LUZP2: variants seen among roughly 807,000 people sequenced by gnomAD.
The protein encoded by LUZP2 is leucine zipper protein 2.
Under a neutral mutation model 51.6 loss-of-function variants are expected in LUZP2, and 52 were observed. That is an observed-to-expected ratio of 1.01 (90% CI 0.81 to 1.27). The LOEUF (loss-of-function observed/expected upper bound fraction) is 1.27, where lower values mean the gene tolerates loss of function less well. Among genes scored for constraint, LUZP2 ranks in the 50% most tolerant of loss-of-function variants. The pLI, the probability that LUZP2 is intolerant of heterozygous loss-of-function variation, is 0.00. For synonymous variants in LUZP2, 154 were observed against 137.3 expected (o/e 1.12, Z -0.85); for missense variants, 436 against 395.4 (o/e 1.10, Z -0.87).
intron 1 of LUZP2, among the ~76,000 whole-genome samples, chr11:24,509,674 T>C (rs1477928410): frequency 6.6e-6 from 1 of 151,052 alleles, no homozygotes; most frequent in African/African-American, 2.4e-5. Context: ...CCGTAGTATA[T>C]ATTATATGCA....
chr11:25,073,290 A>G (rs1040911988), intron 10 of LUZP2, among the ~76,000 whole-genome samples: 1 of 152,184 alleles, frequency 6.6e-6, no homozygotes, highest in Non-Finnish European at 1.5e-5. Context: ...GCTTCTTATG[A>G]CCTTCATTGT....
chr11:24,667,182 T>TC (rs1405646208), intron 1 of LUZP2, among the ~76,000 whole-genome samples: 2 of 139,104 alleles, frequency 1.4e-5, no homozygotes, highest in Non-Finnish European at 3.0e-5. Flanking sequence ...TTTTCTTTTT[T>TC]TCTTTTTTTT....
At chr11:24,828,558 GAAA>G (rs57464249) in intron 5 of LUZP2, among the ~76,000 whole-genome samples, 3,442 of 134,984 alleles carry the variant, frequency 0.025, 72 homozygotes, top group African/African-American at 0.062. Context: ...CCCTGTGGCA[GAAA>G]AAAAAAAAAA....
chr11:24,797,865 A>G (rs184529916), intron 5 of LUZP2, among the ~76,000 whole-genome samples: 2 of 152,194 alleles, frequency 1.3e-5, no homozygotes, highest in African/African-American at 2.4e-5. Context: ...AGTACACTTT[A>G]CCAAGTTGCA....
At chr11:24,851,707 T>C (rs180820226) in intron 5 of LUZP2, among the ~76,000 whole-genome samples, 59 of 152,300 alleles carry the variant, frequency 3.9e-4, no homozygotes, top group African/African-American at 1.4e-3. Flanking sequence ...AGCTCCTCTT[T>C]GTACCTCTGA....
At chr11:24,949,964 T>C (rs1332628133) in intron 7 of LUZP2, among the ~76,000 whole-genome samples, 1 of 77,220 alleles carries the variant, frequency 1.3e-5, no homozygotes, top group Non-Finnish European at 2.4e-5. Flanking sequence ...TCTTTCTTTC[T>C]TTTCTTTTTT....
chr11:24,505,758 C>T (rs1277086613), intron 1 of LUZP2, among the ~76,000 whole-genome samples: 1 of 151,942 alleles, frequency 6.6e-6, no homozygotes, highest in Non-Finnish European at 1.5e-5. Flanking sequence ...GAAGCCAATT[C>T]TCTATTATCT....
chr11:24,688,217 A>T (rs1856955955), intron 1 of LUZP2, among the ~76,000 whole-genome samples: 1 of 152,212 alleles, frequency 6.6e-6, no homozygotes, highest in East Asian at 1.9e-4. Context: ...ACACTGTCTT[A>T]ATGCTTTATA....
intron 7 of LUZP2, among the ~76,000 whole-genome samples, chr11:24,914,846 A>G (rs1853746056): frequency 1.3e-5 from 2 of 152,172 alleles, no homozygotes; most frequent in African/African-American, 4.8e-5. Flanking sequence ...GCAAAGGTAG[A>G]TCATACAAGG....
At chr11:25,037,978 T>C (rs1192468685) in intron 9 of LUZP2, among the ~76,000 whole-genome samples, 1 of 152,132 alleles carries the variant, frequency 6.6e-6, no homozygotes, top group Admixed American at 6.6e-5. Flanking sequence ...TGAGGTTCTC[T>C]ATATTACTTG....
intron 1 of LUZP2, among the ~76,000 whole-genome samples, chr11:24,516,092 T>A (rs1850453824): frequency 6.6e-6 from 1 of 151,146 alleles, no homozygotes; most frequent in Non-Finnish European, 1.5e-5. Flanking sequence ...CTGTTGAAAA[T>A]TTCTTATAGT....
At chr11:24,561,623 G>A (rs899536787) in intron 1 of LUZP2, among the ~76,000 whole-genome samples, 3 of 152,022 alleles carry the variant, frequency 2.0e-5, no homozygotes, top group African/African-American at 7.3e-5. Context: ...GTTGAACAAC[G>A]AGAATACATG....
chr11:24,839,570 A>T (rs1300337346), intron 5 of LUZP2, among the ~76,000 whole-genome samples: 5 of 151,718 alleles, frequency 3.3e-5, no homozygotes, highest in African/African-American at 1.2e-4. Flanking sequence ...CTAGCCTTTT[A>T]TCTTTATGGA....
chr11:24,724,338 G>A (rs1230461342), intron 1 of LUZP2, among the ~76,000 whole-genome samples: 1 of 152,136 alleles, frequency 6.6e-6, no homozygotes, highest in Non-Finnish European at 1.5e-5. Flanking sequence ...GGGAGGCTGA[G>A]GAGGGCAGAT....
At chr11:24,603,883 T>A (rs1353968250) in intron 1 of LUZP2, among the ~76,000 whole-genome samples, 2 of 151,780 alleles carry the variant, frequency 1.3e-5, no homozygotes, top group Non-Finnish European at 3.0e-5. Flanking sequence ...TCATATCCTG[T>A]TATTGTCATT....
At chr11:24,701,879 G>C (rs550529670) in intron 1 of LUZP2, among the ~76,000 whole-genome samples, 16 of 152,248 alleles carry the variant, frequency 1.1e-4, no homozygotes, top group Admixed American at 5.2e-4. Flanking sequence ...GTAATACAAA[G>C]TATACTAAAT....
chr11:24,836,710 C>T (rs971967663), intron 5 of LUZP2, among the ~76,000 whole-genome samples: 2 of 151,480 alleles, frequency 1.3e-5, no homozygotes, highest in East Asian at 3.9e-4. Context: ...GTTATGAAGC[C>T]ACACACACAC....
chr11:24,648,262 T>A (rs1028943428), intron 1 of LUZP2, among the ~76,000 whole-genome samples: 3 of 151,856 alleles, frequency 2.0e-5, no homozygotes, highest in Non-Finnish European at 4.4e-5. Context: ...GCATACAACC[T>A]GGTAATTATA....
chr11:24,854,425 T>A (rs1851489003), intron 5 of LUZP2, among the ~76,000 whole-genome samples: 1 of 152,130 alleles, frequency 6.6e-6, no homozygotes, highest in South Asian at 2.1e-4. Flanking sequence ...ACACTATGAG[T>A]GGAAAACCAC....
Sources: allele counts gnomAD v4.1 joint callset (sites outside exome capture counted in the v4.1 genomes callset), GRCh38; gene constraint gnomAD v4.1.1; transcripts MANE v1.5; gene names NCBI Gene and HGNC (gene_info 2026-07-23, HGNC 2026-07-21).